CNTNAP2: variants seen among roughly 807,000 people sequenced by gnomAD.
The protein encoded by CNTNAP2 is contactin associated protein 2.
In CNTNAP2, 98 loss-of-function variants were observed where a neutral mutation model predicts 155.2. The ratio of observed to expected loss-of-function variants is 0.63; its 90% CI spans 0.54 to 0.75. CNTNAP2 has a LOEUF of 0.75. CNTNAP2 is among the 30% of genes least tolerant of loss of function. The pLI is 0.00. For synonymous variants in CNTNAP2, 651 were observed against 631.2 expected (o/e 1.03, Z -0.47); for missense variants, 1,727 against 1,688.1 (o/e 1.02, Z -0.40).
chr7:146,124,705 T>G (rs1029349120), intron 1 of CNTNAP2, among the ~76,000 whole-genome samples: 1 of 152,318 alleles, frequency 6.6e-6, no homozygotes, highest in South Asian at 2.1e-4. Flanking sequence ...GTTTTCAGAT[T>G]ATGAAACTAT....
intron 14 of CNTNAP2, among the ~76,000 whole-genome samples, chr7:147,933,143 TA>T (rs559931257): frequency 8.7e-5 from 13 of 149,240 alleles, no homozygotes; most frequent in Non-Finnish European, 1.5e-4. Flanking sequence ...GCTATTGTTT[TA>T]AAAAAAAAAG....
At chr7:146,952,011 A>G (rs1797324208) in intron 3 of CNTNAP2, among the ~76,000 whole-genome samples, 1 of 152,148 alleles carries the variant, frequency 6.6e-6, no homozygotes, top group African/African-American at 2.4e-5. Flanking sequence ...CCTGATGAAC[A>G]TCGACACAAA....
At chr7:147,727,348 A>G (rs1796662751) in intron 13 of CNTNAP2, among the ~76,000 whole-genome samples, 1 of 151,952 alleles carries the variant, frequency 6.6e-6, no homozygotes, top group South Asian at 2.1e-4. Flanking sequence ...CCAGGTAAAG[A>G]GATTCTAACC....
chr7:147,199,723 C>T (rs1345846549), intron 8 of CNTNAP2, among the ~76,000 whole-genome samples: 1 of 151,542 alleles, frequency 6.6e-6, no homozygotes. Context: ...TCGTCTGTTA[C>T]AATTACACTG....
At chr7:147,306,109 T>C (rs916973195) in intron 9 of CNTNAP2, among the ~76,000 whole-genome samples, 8 of 152,174 alleles carry the variant, frequency 5.3e-5, no homozygotes, top group Admixed American at 1.3e-4. Context: ...TAAGGCCACA[T>C]TCATAGGTTT....
intron 13 of CNTNAP2, among the ~76,000 whole-genome samples, chr7:147,684,379 C>A (rs1170848305): frequency 6.6e-6 from 1 of 151,618 alleles, no homozygotes; most frequent in Non-Finnish European, 1.5e-5. Context: ...TATTAAAGCC[C>A]CTACAAGGAA....
intron 1 of CNTNAP2, among the ~76,000 whole-genome samples, chr7:146,122,197 CT>C (rs1208918840): frequency 1.3e-5 from 2 of 152,206 alleles, no homozygotes; most frequent in African/African-American, 4.8e-5. Flanking sequence ...CTCCTTTCTC[CT>C]TCCAGGCTGC....
intron 9 of CNTNAP2, among the ~76,000 whole-genome samples, chr7:147,317,072 A>G (rs1160652022): frequency 6.6e-6 from 1 of 151,916 alleles, no homozygotes; most frequent in African/African-American, 2.4e-5. Flanking sequence ...ACCCAATCCT[A>G]TTTAAGTATT....
intron 3 of CNTNAP2, among the ~76,000 whole-genome samples, chr7:146,891,055 A>G (rs1795765510): frequency 6.6e-6 from 1 of 152,218 alleles, no homozygotes. Flanking sequence ...ATAGAATACT[A>G]TGCAGCCACA....
chr7:147,282,672 A>G (rs1006810173), intron 8 of CNTNAP2, among the ~76,000 whole-genome samples: 13 of 151,924 alleles, frequency 8.6e-5, no homozygotes, highest in Non-Finnish European at 1.5e-5. Context: ...TATATTATGT[A>G]TCTGTGTGTC....
At chr7:146,315,119 C>A (rs570283974) in intron 1 of CNTNAP2, among the ~76,000 whole-genome samples, 1 of 152,122 alleles carries the variant, frequency 6.6e-6, no homozygotes, top group African/African-American at 2.4e-5. Flanking sequence ...CAGAGACTGA[C>A]CTGTTAAAGG....
At chr7:147,849,047 A>G (rs1332717888) in intron 13 of CNTNAP2, among the ~76,000 whole-genome samples, 1 of 152,208 alleles carries the variant, frequency 6.6e-6, no homozygotes, top group African/African-American at 2.4e-5. Flanking sequence ...TTGTTCAGTA[A>G]AATTTCTCCT....
intron 9 of CNTNAP2, among the ~76,000 whole-genome samples, chr7:147,383,617 T>C (rs1796577963): frequency 6.6e-6 from 1 of 151,760 alleles, no homozygotes. Flanking sequence ...CCGGGGCCTG[T>C]CGGGGTGGGG....
intron 13 of CNTNAP2, among the ~76,000 whole-genome samples, chr7:147,668,388 A>G (rs1464257633): frequency 1.3e-5 from 2 of 152,218 alleles, no homozygotes; most frequent in East Asian, 3.9e-4. Flanking sequence ...GAAAAGAGTG[A>G]CACATCTTTA....
intron 21 of CNTNAP2, among the ~76,000 whole-genome samples, chr7:148,372,072 T>C (rs953666456): frequency 1.3e-5 from 2 of 151,778 alleles, no homozygotes; most frequent in African/African-American, 4.8e-5. Context: ...TGTGGTGGTG[T>C]GTGCCTGTAG....
At chr7:147,127,380 G>GTT (rs960567084) in intron 6 of CNTNAP2, among the ~76,000 whole-genome samples, 1 of 142,708 alleles carries the variant, frequency 7.0e-6, no homozygotes, top group African/African-American at 2.6e-5. Flanking sequence ...TGAGGCCTTT[G>GTT]TTTTTTTTTT....
chr7:147,046,674 TA>T (rs1386837224), intron 4 of CNTNAP2, among the ~76,000 whole-genome samples: 1 of 152,152 alleles, frequency 6.6e-6, no homozygotes, highest in Non-Finnish European at 1.5e-5. Flanking sequence ...TATATCAATT[TA>T]AAGTCTCCAA....
chr7:146,936,959 A>G (rs1444921680), intron 3 of CNTNAP2, among the ~76,000 whole-genome samples: 1 of 152,204 alleles, frequency 6.6e-6, no homozygotes, highest in Non-Finnish European at 1.5e-5. Flanking sequence ...TTTAAAATAA[A>G]ATAAAATGTG....
chr7:146,949,238 G>A lies in CNTNAP2; in HGVS notation c.403-94669G>A, dbSNP rs1004622854. Reference sequence around the variant, plus strand: ...CACATATTTTTTATTGTGACATTAAGATAGATAGGATAAATGAAATTGTCA... The same window carrying A: ...CACATATTTTTTATTGTGACATTAAAATAGATAGGATAAATGAAATTGTCA... On this transcript the variant is annotated intron_variant, in intron 3 of 23. Transcript: ENST00000361727. 2.6e-5 allele frequency among the ~76,000 whole-genome samples: 4 copies of A among 152,190 alleles called. No homozygotes were observed. In the South Asian group the frequency reaches 8.3e-4, roughly 31 times the overall value.
Sources: allele counts gnomAD v4.1 joint callset (sites outside exome capture counted in the v4.1 genomes callset), GRCh38; gene constraint gnomAD v4.1.1; transcripts MANE v1.5; gene names NCBI Gene and HGNC (gene_info 2026-07-23, HGNC 2026-07-21).